KDM5B: variants seen among roughly 807,000 people sequenced by gnomAD.
KDM5B encodes lysine-specific demethylase 5B.
A neutral mutation model predicts 193.4 loss-of-function variants in KDM5B; 144 were observed. That is an observed-to-expected ratio of 0.74 (90% confidence interval 0.65 to 0.86). The LOEUF is 0.86. Ranked by LOEUF, KDM5B falls within the 40% of genes least tolerant of loss-of-function variation. KDM5B has a pLI of 0.00. For missense variants in KDM5B, 1,833 were observed against 1,886.9 expected (o/e 0.97, Z 0.53); for synonymous variants, 668 against 682.6 (o/e 0.98, Z 0.33).
In KDM5B at chr1:202,740,808, G is replaced by A. The variant is rs1410041361; in HGVS notation, c.2950C>T (p.Arg984Ter). 6.8e-6 allele frequency: 11 copies of A among 1,607,262 alleles called. No homozygotes were observed. The highest frequency in any genetic ancestry group is 2.2e-5 in the East Asian group (1 of 44,708). The change falls in exon 20 of 27, where the codon CGA (arginine) becomes TGA (stop). Residue 984 changes from arginine (R) to a stop codon, truncating the protein, a stop_gained. Coordinates refer to ENST00000367265, the MANE Select transcript of KDM5B (RefSeq NM_006618.5). LOFTEE classifies it high-confidence loss of function. ...GTAGCAAGGCTATTCAATGAATGTC[G>A]TGGCCTACAAAATGCAAACAAAGAC... is the stretch of plus-strand genomic sequence containing the variant. Reference protein sequence around the residue: ...KAKSLLKARPRHSLNSLATAV... With the variant: ...KAKSLLKARP
intron 1 of KDM5B, among the ~76,000 whole-genome samples, chr1:202,784,734 T>G (rs1657336240): frequency 6.6e-6 from 1 of 152,182 alleles, no homozygotes; most frequent in African/African-American, 2.4e-5. Context: ...CGACAAAGAA[T>G]TGCATTCAAA....
At chr1:202,803,650 C>T (rs2102351990) in intron 1 of KDM5B, among the ~76,000 whole-genome samples, 1 of 152,148 alleles carries the variant, frequency 6.6e-6, no homozygotes, top group South Asian at 2.1e-4. Flanking sequence ...ATGGTGAAAC[C>T]TCGTCTCTAC....
intron 18 of KDM5B, 36 bp downstream of exon 18, chr1:202,742,355 A>G (rs2102234950): frequency 2.1e-6 from 3 of 1,407,220 alleles, no homozygotes; most frequent in Non-Finnish European, 3.0e-6. Context: ...ATACAGGATT[A>G]CCAAAGTATT....
chr1:202,733,262 G>A, intron 23 of KDM5B, 139 bp downstream of exon 23: 2 of 842,344 alleles, frequency 2.4e-6, no homozygotes, highest in South Asian at 3.6e-5. Flanking sequence ...TCTTGAAGTG[G>A]GAAGCTACAG....
In KDM5B at chr1:202,742,750, G is replaced by A; in HGVS notation, c.2379C>T (p.Asp793=). ...GGCGAAGGTGTCGCAAAAGATCATTGTCTGGGAATTTCTTCATTTCAGATT... is the reference window on the plus strand; with the variant it reads ...GGCGAAGGTGTCGCAAAAGATCATTATCTGGGAATTTCTTCATTTCAGATT... ...IEESEMKKFP[D]NDLLRHLRLV... Residue 793 remains aspartate, a synonymous_variant, in exon 17 of 27, where the codon GAC becomes GAT. Coordinates refer to ENST00000367265, the MANE Select transcript of KDM5B (RefSeq NM_006618.5). The A allele has an allele frequency of 6.2e-7, 1 of 1,614,116 alleles. No individual in the cohort carries two copies. The highest frequency in any genetic ancestry group is 1.1e-5 in the South Asian group (1 of 91,088).
intron 1 of KDM5B, among the ~76,000 whole-genome samples, chr1:202,801,925 C>A (rs1295742790): frequency 6.6e-6 from 1 of 152,016 alleles, no homozygotes; most frequent in South Asian, 2.1e-4. Flanking sequence ...TTCAAGAGAC[C>A]CAAACTTAAA....
At chr1:202,805,741 A>G (rs946728498) in intron 1 of KDM5B, among the ~76,000 whole-genome samples, 1 of 152,244 alleles carries the variant, frequency 6.6e-6, no homozygotes, top group East Asian at 1.9e-4. Context: ...TTTCTAAAAC[A>G]AAGACTGTTT....
intron 5 of KDM5B, among the ~76,000 whole-genome samples, chr1:202,764,901 C>G (rs1656388240): frequency 6.6e-6 from 1 of 152,106 alleles, no homozygotes; most frequent in African/African-American, 2.4e-5. Context: ...TGCTTGAACC[C>G]AGGAGGCAGA....
chr1:202,765,892 G>A (rs1328247560), intron 5 of KDM5B, among the ~76,000 whole-genome samples: 1 of 152,032 alleles, frequency 6.6e-6, no homozygotes, highest in African/African-American at 2.4e-5. Flanking sequence ...ATCAGGCTAG[G>A]CAGGAATCCA....
intron 26 of KDM5B, chr1:202,729,496 A>T: frequency 1.7e-6 from 1 of 600,888 alleles, no homozygotes; most frequent in East Asian, 2.8e-5. Flanking sequence ...AGAAAAGGAA[A>T]AAGGGAAGAA....
intron 1 of KDM5B, among the ~76,000 whole-genome samples, chr1:202,794,237 T>C (rs909360102): frequency 1.3e-5 from 2 of 152,140 alleles, no homozygotes; most frequent in Non-Finnish European, 2.9e-5. Context: ...AAATGATGAG[T>C]TGGTATAACC....
intron 26 of KDM5B, chr1:202,729,399 G>A (rs888366720): frequency 8.2e-6 from 5 of 611,942 alleles, no homozygotes; most frequent in Middle Eastern, 4.4e-4. Flanking sequence ...TTAAGACAGC[G>A]CTGCCCTGTG....
chr1:202,727,104 G>A lies in KDM5B; in HGVS notation c.*1932C>T, dbSNP rs1376873712. ...TGAAGAAGAAAAACTAGTGGGGATG[G>A]GGGTAGGGGTTGTGCTTACTAAGAT... is the stretch of plus-strand genomic sequence containing the variant. On this transcript the variant is annotated 3_prime_UTR_variant, in exon 27 of 27. Coordinates refer to ENST00000367265, the MANE Select transcript of KDM5B (RefSeq NM_006618.5). The A allele has an allele frequency of 2.0e-5, 3 of 152,262 alleles. No individual in the cohort carries two copies. The highest frequency in any genetic ancestry group is 4.4e-5 in the Non-Finnish European group (3 of 68,114). The allele number at this position is 152,262 out of a possible 1,614,324, so 9.4% of individuals were successfully genotyped here. A position where few individuals can be genotyped will look rare whatever the true frequency, so the allele number is the denominator to read the frequency against.
At chr1:202,746,750 G>A (rs772951954) in intron 14 of KDM5B, among the ~76,000 whole-genome samples, 13 of 152,200 alleles carry the variant, frequency 8.5e-5, no homozygotes, top group Non-Finnish European at 1.9e-4. Context: ...AAGGAAAGAA[G>A]ATGGGACGAG....
rs199575011 is a variant in KDM5B at position 202,762,802 on chromosome 1, T to G, written c.815A>C (p.Glu272Ala). 26 of 1,587,186 alleles carry G rather than the reference T, an allele frequency of 1.6e-5. No homozygotes were observed. The highest frequency in any genetic ancestry group is 8.3e-5 in the Admixed American group (5 of 59,936). ...CPTPKCENEK[E>A]MKSSIKQEPI... is the part of the protein sequence containing the mutation. The stretch of plus-strand genomic sequence containing the variant: ...TTCTTGCTTGATGCTACTCTTCATT[T>G]CTTTCTCTGTAGGAGGCAATCCAAA... Residue 272 changes from glutamate to alanine, a missense_variant, in exon 7 of 27, where the codon GAA (glutamate) becomes GCA (alanine). Transcript: ENST00000367265.
intron 11 of KDM5B, among the ~76,000 whole-genome samples, chr1:202,753,576 T>TA (rs1558493281): frequency 6.6e-6 from 1 of 152,030 alleles, no homozygotes; most frequent in Non-Finnish European, 1.5e-5. Flanking sequence ...ACTTTCCATC[T>TA]GAACATCTGA....
chr1:202,764,032 T>C lies in KDM5B; in HGVS notation c.808+17A>G, dbSNP rs774587236. The C allele has an allele frequency of 5.2e-6, 7 of 1,336,056 alleles. No homozygotes were observed. The Admixed American group carries it at 7.8e-5, about 15-fold the overall frequency. The allele number at this position is 1,336,056 out of a possible 1,614,324, so 82.8% of individuals were successfully genotyped here. A position where few individuals can be genotyped will look rare whatever the true frequency, so the allele number is the denominator to read the frequency against. ...TTATTTACTTTTTCTTTCCTATTCATTGACAAATTTTCTTACCATTTTCAC... is the reference window on the plus strand; with the variant it reads ...TTATTTACTTTTTCTTTCCTATTCACTGACAAATTTTCTTACCATTTTCAC... On this transcript the variant is annotated intron_variant, in intron 6 of 26. Transcript: ENST00000367265.
intron 20 of KDM5B, among the ~76,000 whole-genome samples, chr1:202,739,550 T>C (rs1558483438): frequency 6.6e-6 from 1 of 151,684 alleles, no homozygotes; most frequent in Non-Finnish European, 1.5e-5. Flanking sequence ...CATAGGACAA[T>C]AGTGGAGGGA....
At chr1:202,744,541 G>A (rs1169636173) in intron 16 of KDM5B, among the ~76,000 whole-genome samples, 2 of 152,176 alleles carry the variant, frequency 1.3e-5, no homozygotes, top group Non-Finnish European at 2.9e-5. Context: ...CTGGGTGACA[G>A]AGCAAGACTC....
Sources: gnomAD v4.1 joint callset for allele counts (sites outside exome capture counted in the v4.1 genomes callset) on GRCh38, gnomAD v4.1.1 for gene constraint, MANE v1.5 for transcripts, NCBI Gene and HGNC (gene_info 2026-07-23, HGNC 2026-07-21) for gene names.